TNFAIP3: variants seen among roughly 807,000 people sequenced by gnomAD.
TNFAIP3 encodes TNF alpha induced protein 3, also known as tumor necrosis factor alpha-induced protein 3.
Under a neutral mutation model 72.4 loss-of-function variants are expected in TNFAIP3, and 9 were observed. That is an observed-to-expected ratio of 0.12 (90% confidence interval 0.07 to 0.22). The LOEUF (loss-of-function observed/expected upper bound fraction) is 0.22, where lower values mean the gene tolerates loss of function less well. Among genes scored for constraint, TNFAIP3 ranks in the 10% least tolerant of loss-of-function variants. The probability of loss-of-function intolerance (pLI) is 1.00; values close to 1 mark genes in which losing one functional copy is unlikely to be tolerated. For missense variants in TNFAIP3, 833 were observed against 1,018.7 expected (o/e 0.82, Z 2.48); for synonymous variants, 339 against 372.6 (o/e 0.91, Z 1.04).
intron 8 of TNFAIP3, 134 bp from the exon 9 acceptor site, chr6:137,880,901 C>G: frequency 1.1e-6 from 1 of 929,930 alleles, no homozygotes; most frequent in Admixed American, 2.6e-5. Flanking sequence ...CAATGCTCTC[C>G]TGTTCCCTTG....
chr6:137,871,857 G>A lies in TNFAIP3; in HGVS notation c.295+335G>A, dbSNP rs1276078726. On this transcript the variant is annotated intron_variant, in intron 2 of 8. Transcript: ENST00000612899. This position sits in a 1 kb window ranked among gnomAD's most constrained non-coding sequence, Gnocchi z 4.2. Reference sequence around the variant, plus strand: ...AAAATACCCTTCTCTGGCCCGTAATGGAAATGTTAAAAGCCTTTAAGTTCA... The same window carrying A: ...AAAATACCCTTCTCTGGCCCGTAATAGAAATGTTAAAAGCCTTTAAGTTCA... 1.3e-5 allele frequency among the ~76,000 whole-genome samples: 2 copies of A among 152,166 alleles called. No individual in the cohort carries two copies. Among genetic ancestry groups the A allele is most frequent in the African/African-American group, 4.8e-5 (2 of 41,438 alleles).
chr6:137,876,926 T>G, intron 5 of TNFAIP3, 150 bp from the exon 6 acceptor site: 2 of 572,938 alleles, frequency 3.5e-6, no homozygotes, highest in Non-Finnish European at 2.9e-6. Context: ...TTGTAGCACA[T>G]TTTGTTTTCC....
chr6:137,871,076 A>G lies in TNFAIP3; in HGVS notation c.-15-137A>G, dbSNP rs947004768. ...TGGGGCCAGCTAGTATCCCGGGAGT[A>G]GAGGTGCTAAGATCTTTTGCCTACA... On this transcript the variant is annotated intron_variant, in intron 1 of 8. Coordinates refer to ENST00000612899, the MANE Select transcript of TNFAIP3 (RefSeq NM_001270508.2). The surrounding 1 kb of genome is among the most constrained non-coding windows in gnomAD (Gnocchi z 4.2). 107 of 705,744 alleles carry G rather than the reference A, an allele frequency of 1.5e-4. No individual in the cohort carries two copies. The highest frequency in any genetic ancestry group is 2.3e-4 in the Non-Finnish European group (102 of 435,596). 43.7% of individuals were successfully genotyped at this position (705,744 alleles called of 1,614,324 possible).
intron 2 of TNFAIP3, among the ~76,000 whole-genome samples, chr6:137,874,339 T>A (rs768166604): frequency 3.3e-5 from 5 of 152,186 alleles, no homozygotes; most frequent in Non-Finnish European, 7.3e-5. Flanking sequence ...CATTTGCCAT[T>A]GAGTCATAGC....
chr6:137,868,137 T>C (rs1775907695), intron 1 of TNFAIP3: 1 of 152,518 alleles, frequency 6.6e-6, no homozygotes, highest in Non-Finnish European at 1.5e-5. Context: ...TAGACGTGGG[T>C]CGCTGGCCCC....
chr6:137,882,152 A>G lies in TNFAIP3; in HGVS notation c.*833A>G, dbSNP rs5029966. 6.5e-5 allele frequency: 15 copies of G among 231,546 alleles called. No individual in the cohort carries two copies. The highest frequency in any genetic ancestry group is 3.3e-4 in the African/African-American group (15 of 45,350). The allele number at this position is 231,546 out of a possible 1,614,324, so 14.3% of individuals were successfully genotyped here. ...TGTATGAGGGATTTTTTTAAATTAT[A>G]TTGAAATGCTGCCCTAGAAGTACAA... On this transcript the variant is annotated 3_prime_UTR_variant, in exon 9 of 9. Transcript: ENST00000612899.
Position 137,880,258 on chromosome 6 carries a change from A to T in TNFAIP3, c.2088+6A>T. ...AAAGGACAGAAGAGCAACTGGTGAGACACTTGGAGGAGCTTTCCCTCCCTC... is the reference window on the plus strand; with the variant it reads ...AAAGGACAGAAGAGCAACTGGTGAGTCACTTGGAGGAGCTTTCCCTCCCTC... On this transcript the variant is annotated splice_donor_region_variant and intron_variant, in intron 8 of 8. Transcript: ENST00000612899. 1.9e-6 allele frequency: 3 copies of T among 1,614,016 alleles called. No individual in the cohort carries two copies. Among genetic ancestry groups the T allele is most frequent in the Non-Finnish European group, 1.7e-6 (2 of 1,180,008 alleles).
rs1044881512 is a variant in TNFAIP3 at position 137,867,758 on chromosome 6, A to ACCT, written c.-16+219_-16+221dup. ...AGAGGTTGGAGTGACAGCCCTGGAT[A>ACCT]CCTCCAGCCAGCTGTTCCTTTCAGA... On this transcript the variant is annotated intron_variant, in intron 1 of 8. Transcript: ENST00000612899. The surrounding 1 kb of genome is among the most constrained non-coding windows in gnomAD (Gnocchi z 6.0). 1 of 152,378 alleles carries ACCT rather than the reference A, an allele frequency of 6.6e-6. No individual in the cohort carries two copies. Among genetic ancestry groups the ACCT allele is most frequent in the African/African-American group, 2.4e-5 (1 of 41,418 alleles). 9.4% of individuals were successfully genotyped at this position (152,378 alleles called of 1,614,324 possible).
intron 8 of TNFAIP3, 127 bp from the exon 9 acceptor site, chr6:137,880,908 C>T: frequency 9.9e-7 from 1 of 1,009,538 alleles, no homozygotes; most frequent in Non-Finnish European, 1.5e-6. Flanking sequence ...CTCCTGTTCC[C>T]TTGCTCAGGC....
chr6:137,877,118 T>A lies in TNFAIP3; in HGVS notation c.848T>A (p.Phe283Tyr). 6.2e-7 allele frequency: 1 copy of A among 1,613,102 alleles called. No homozygotes were observed. Among genetic ancestry groups the A allele is most frequent in the Non-Finnish European group, 8.5e-7 (1 of 1,179,610 alleles). The change falls in exon 6 of 9, where the codon TTT becomes TAT. Residue 283 changes from phenylalanine to tyrosine, a missense_variant. Coordinates refer to ENST00000612899, the MANE Select transcript of TNFAIP3 (RefSeq NM_001270508.2). ...CTTGTTAACAGAGACCGGGGAAGAT[T>A]TGAAGACTTAAAAGTTCACTTTTTG... The part of the protein sequence containing the change: ...VPLVNRDRGR[F>Y]EDLKVHFLTD...
rs751122862 is a variant in TNFAIP3, at chr6:137,871,478, A to G, written c.251A>G (p.Asn84Ser). The G allele has an allele frequency of 1.2e-6, 2 of 1,614,038 alleles. No individual in the cohort carries two copies. The highest frequency in any genetic ancestry group is 1.3e-5 in the African/African-American group (1 of 74,914). ...ACCCTGGAAAGCCAGAAGAAACTCA[A>G]CTGGTGTCGAGAAGTCCGGAAGCTT... is the stretch of plus-strand genomic sequence containing the variant. ...QATLESQKKLNWCREVRKLVA... is the reference protein window; with the variant it reads ...QATLESQKKLSWCREVRKLVA... Residue 84 changes from asparagine (N) to serine (S), a missense_variant, in exon 2 of 9, where the codon AAC (asparagine) becomes AGC (serine). Coordinates refer to ENST00000612899, the MANE Select transcript of TNFAIP3 (RefSeq NM_001270508.2). This position sits in a 1 kb window ranked among gnomAD's most constrained non-coding sequence, Gnocchi z 4.2.
intron 7 of TNFAIP3, 67 bp downstream of exon 7, chr6:137,879,418 T>C (rs2114507117): frequency 6.6e-7 from 1 of 1,516,216 alleles, no homozygotes; most frequent in Non-Finnish European, 8.8e-7. Flanking sequence ...TCCTGACCTT[T>C]AAGAAAAAAA....
intron 1 of TNFAIP3, among the ~76,000 whole-genome samples, chr6:137,868,432 C>T (rs1775918282): frequency 6.6e-6 from 1 of 152,160 alleles, no homozygotes. Context: ...ATGAATGCTT[C>T]ATTCTCATTG....
At chr6:137,866,703 G>T (rs1213327038), upstream of TNFAIP3, 1 of 152,440 alleles carries the variant, frequency 6.6e-6, no homozygotes, top group Non-Finnish European at 1.5e-5. Context: ...GCTTTTTCTC[G>T]AAATGCCCGC....
In TNFAIP3 at chr6:137,871,464, C is replaced by G. The variant is rs148028402; in HGVS notation, c.237C>G (p.Ser79Arg). 1.4e-5 allele frequency: 23 copies of G among 1,614,026 alleles called. No homozygotes were observed. Among genetic ancestry groups the G allele is most frequent in the Middle Eastern group, 1.6e-4 (1 of 6,084 alleles). ...GAAACATCCAGGCCACCCTGGAAAG[C>G]CAGAAGAAACTCAACTGGTGTCGAG... ...IDRNIQATLE[S>R]QKKLNWCREV... is the part of the protein sequence containing the mutation. Residue 79 changes from serine (S) to arginine (R), a missense_variant, in exon 2 of 9, where the codon AGC (serine) becomes AGG (arginine). Transcript: ENST00000612899. This position sits in a 1 kb window ranked among gnomAD's most constrained non-coding sequence, Gnocchi z 4.2.
In TNFAIP3 at chr6:137,879,076, C is replaced by T. The variant is rs983815738; in HGVS notation, c.1631C>T (p.Thr544Ile). 1 of 1,614,228 alleles carries T rather than the reference C, an allele frequency of 6.2e-7. No homozygotes were observed. The highest frequency in any genetic ancestry group is 8.5e-7 in the Non-Finnish European group (1 of 1,180,042). ...TGCAGTACTTGCTTCAAAAGGACTA[C>T]AGCAGAGGCCTCCTCCAGCCTCAGC... ...GICSTCFKRT[T>I]AEASSSLSTS... Residue 544 changes from threonine to isoleucine, a missense_variant, in exon 7 of 9, where the codon ACA becomes ATA. By Grantham distance (89) the Thr-to-Ile change is moderately conservative (BLOSUM62 -1). This residue lies in a region of TNFAIP3 where 587 missense variants were observed against 657.8 expected (regional missense o/e 0.89). Coordinates refer to ENST00000612899, the MANE Select transcript of TNFAIP3 (RefSeq NM_001270508.2).
Position 137,877,107 on chromosome 6 carries a change from C to T in TNFAIP3, c.837C>T (p.Asp279=). The change falls in exon 6 of 9, where the codon GAC becomes GAT. Residue 279 remains aspartate (D), a synonymous_variant. Transcript: ENST00000612899. The part of the protein sequence containing the change: ...EIRAVPLVNR[D]RGRFEDLKVH... ...GAGCTGTTCCACTTGTTAACAGAGA[C>T]CGGGGAAGATTTGAAGACTTAAAAG... 1 of 1,611,162 alleles carries T rather than the reference C, an allele frequency of 6.2e-7. No homozygotes were observed. The highest frequency in any genetic ancestry group is 1.7e-4 in the Middle Eastern group (1 of 6,044).
At chr6:137,868,262 T>A (rs1240453466) in intron 1 of TNFAIP3, 1 of 152,384 alleles carries the variant, frequency 6.6e-6, no homozygotes, top group African/African-American at 2.4e-5. Context: ...AGCTTAACTC[T>A]TTTTGAGCCC....
chr6:137,881,120 T>C lies in TNFAIP3; in HGVS notation c.2174T>C (p.Leu725Pro). The change falls in exon 9 of 9, where the codon CTG becomes CCG. Residue 725 changes from leucine to proline, a missense_variant. This residue lies in a region of TNFAIP3 where 587 missense variants were observed against 657.8 expected (regional missense o/e 0.89). Transcript: ENST00000612899. The surrounding 1 kb of genome is among the most constrained non-coding windows in gnomAD (Gnocchi z 5.0). ...KCARASCKNI[L>P]ACRSEELCME... The stretch of plus-strand genomic sequence containing the variant: ...GCCCGGGCCTCCTGCAAGAACATCC[T>C]GGCCTGCCGCAGCGAGGAGCTCTGC... 6.2e-7 allele frequency: 1 copy of C among 1,613,884 alleles called. No homozygotes were observed. Among genetic ancestry groups the C allele is most frequent in the Non-Finnish European group, 8.5e-7 (1 of 1,179,970 alleles).
Sources: gnomAD v4.1 joint callset for allele counts (sites outside exome capture counted in the v4.1 genomes callset) on GRCh38, gnomAD v4.1.1 for gene constraint, gnomAD v4.1.1 regional missense constraint, Gnocchi (gnomAD v3.1) non-coding constraint, MANE v1.5 for transcripts, NCBI Gene and HGNC (gene_info 2026-07-23, HGNC 2026-07-21) for gene names.